The following IGF2BP3 variants were observed in gnomAD, a reference collection of about 807,000 sequenced individuals.
IGF2BP3 encodes the protein insulin like growth factor 2 mRNA binding protein 3.
A neutral mutation model predicts 73.8 loss-of-function variants in IGF2BP3; 9 were observed. The observed-to-expected ratio is 0.12, with a 90% CI of 0.07 to 0.21. The LOEUF (loss-of-function observed/expected upper bound fraction) is 0.21, where lower values mean the gene tolerates loss of function less well. Ranked by LOEUF, IGF2BP3 falls within the 10% of genes least tolerant of loss-of-function variation. IGF2BP3 has a pLI of 1.00. For missense variants in IGF2BP3, 542 were observed against 714.0 expected (o/e 0.76, Z 2.75); for synonymous variants, 258 against 256.7 (o/e 1.01, Z -0.05).
At chr7:23,320,763 C>A (rs1230123947) in intron 10 of IGF2BP3, among the ~76,000 whole-genome samples, 1 of 149,600 alleles carries the variant, frequency 6.7e-6, no homozygotes, top group African/African-American at 2.5e-5. Flanking sequence ...GCCTGGGCAA[C>A]ATGGCAAAAC....
At chr7:23,347,774 A>C (rs769538600) in intron 6 of IGF2BP3, 40 bp from the exon 7 acceptor site, 1 of 1,613,378 alleles carries the variant, frequency 6.2e-7, no homozygotes, top group East Asian at 2.2e-5. Context: ...CGAGAGCAGT[A>C]AGCGTGTATT....
rs1224816314 is a variant in IGF2BP3, at chr7:23,340,881, G to A, written c.1203+1183C>T. Among the ~76,000 whole-genome samples, 6 of 135,904 alleles carry A rather than the reference G, an allele frequency of 4.4e-5. No individual in the cohort carries two copies. In the East Asian group the frequency reaches 6.3e-4, roughly 14 times the overall value. 89.2% of individuals were successfully genotyped at this position (135,904 alleles called of 152,430 possible). On this transcript the variant is annotated intron_variant, in intron 10 of 14. Transcript: ENST00000258729. Reference sequence around the variant, plus strand: ...TTTTTTTTTTCCCAGACAGAGTTTCGCTCTGTCGCCCAGGCTGGAGTGCAA... The same window carrying A: ...TTTTTTTTTTCCCAGACAGAGTTTCACTCTGTCGCCCAGGCTGGAGTGCAA...
At chr7:23,326,575 C>T (rs1427957967) in intron 10 of IGF2BP3, among the ~76,000 whole-genome samples, 1 of 151,734 alleles carries the variant, frequency 6.6e-6, no homozygotes, top group East Asian at 1.9e-4. Flanking sequence ...GGGTATATAC[C>T]CAAAGGACTA....
intron 3 of IGF2BP3, among the ~76,000 whole-genome samples, chr7:23,393,540 G>C (rs1786352067): frequency 6.6e-6 from 1 of 152,128 alleles, no homozygotes; most frequent in African/African-American, 2.4e-5. Flanking sequence ...CCCCCAAAGG[G>C]AAACAGGCTG....
At chr7:23,455,652 G>A (rs1307965509) in intron 2 of IGF2BP3, among the ~76,000 whole-genome samples, 2 of 152,104 alleles carry the variant, frequency 1.3e-5, no homozygotes, top group Admixed American at 6.6e-5. Flanking sequence ...CAAAGTGAAA[G>A]CCACTGTACT....
intron 3 of IGF2BP3, among the ~76,000 whole-genome samples, chr7:23,398,784 A>T (rs1167837767): frequency 6.6e-6 from 1 of 152,034 alleles, no homozygotes; most frequent in African/African-American, 2.4e-5. Context: ...AATTTGTTTG[A>T]GTTCATTGTA....
chr7:23,348,109 A>T (rs1402169598), intron 6 of IGF2BP3, among the ~76,000 whole-genome samples: 1 of 152,232 alleles, frequency 6.6e-6, no homozygotes, highest in Non-Finnish European at 1.5e-5. Context: ...TTGGAATCCC[A>T]TAAGCCAAGT....
At chr7:23,377,721 G>A (rs1436962500) in intron 3 of IGF2BP3, among the ~76,000 whole-genome samples, 1 of 152,144 alleles carries the variant, frequency 6.6e-6, no homozygotes, top group Non-Finnish European at 1.5e-5. Flanking sequence ...ATCAGCTGCT[G>A]GATGGATAAA....
chr7:23,367,893 C>T (rs1462153030), intron 3 of IGF2BP3, among the ~76,000 whole-genome samples: 5 of 151,876 alleles, frequency 3.3e-5, no homozygotes, highest in African/African-American at 1.2e-4. Context: ...CCCAGCTACT[C>T]GGGAGGCTGA....
intron 3 of IGF2BP3, among the ~76,000 whole-genome samples, chr7:23,405,865 T>C (rs994288498): frequency 5.9e-5 from 9 of 152,174 alleles, no homozygotes; most frequent in Non-Finnish European, 1.2e-4. Flanking sequence ...GGTGAAAGAA[T>C]TCGCCTTCAC....
chr7:23,460,805 A>G (rs1788434443), intron 2 of IGF2BP3, among the ~76,000 whole-genome samples: 1 of 151,692 alleles, frequency 6.6e-6, no homozygotes, highest in South Asian at 2.1e-4. Context: ...ACAAAAATCA[A>G]CTGGGCATGG....
At chr7:23,435,381 A>G (rs1787785009) in intron 2 of IGF2BP3, among the ~76,000 whole-genome samples, 1 of 151,902 alleles carries the variant, frequency 6.6e-6, no homozygotes, top group Non-Finnish European at 1.5e-5. Context: ...ATTACATATA[A>G]AAATACACCA....
chr7:23,319,668 G>A (rs528401498), intron 10 of IGF2BP3, among the ~76,000 whole-genome samples: 1 of 152,032 alleles, frequency 6.6e-6, no homozygotes. Context: ...CAGAACTCAA[G>A]GACGCCAGCT....
intron 2 of IGF2BP3, among the ~76,000 whole-genome samples, chr7:23,426,340 AG>A (rs1194336292): frequency 1.7e-5 from 2 of 114,662 alleles, no homozygotes; most frequent in Non-Finnish European, 3.4e-5. Flanking sequence ...AAAAAAAAAA[AG>A]GGGGGTGGGG....
In IGF2BP3 at chr7:23,412,842, C is replaced by CTTTTTTTTTTT. The variant is rs557467066; in HGVS notation, c.285+5923_285+5933dup. 3.5e-4 allele frequency among the ~76,000 whole-genome samples: 13 copies of CTTTTTTTTTTT among 37,016 alleles called. 1 individual carries two copies. Among genetic ancestry groups the CTTTTTTTTTTT allele is most frequent in the African/African-American group, 7.6e-4 (7 of 9,176 alleles). The allele number at this position is 37,016 out of a possible 152,430, so 24.3% of individuals were successfully genotyped here. On this transcript the variant is annotated intron_variant, in intron 3 of 14. Transcript: ENST00000258729. ...GAAATCCTTTCCTTAAGACTCTGGC[C>CTTTTTTTTTTT]TTTTTTTTTTTTTTTTTTTTTTTTT...
chr7:23,449,706 C>T (rs1203825595), intron 2 of IGF2BP3, among the ~76,000 whole-genome samples: 2 of 151,658 alleles, frequency 1.3e-5, no homozygotes, highest in Non-Finnish European at 2.9e-5. Flanking sequence ...CACAGGTATG[C>T]GCTACCACAC....
intron 3 of IGF2BP3, among the ~76,000 whole-genome samples, chr7:23,388,507 C>T (rs1044081620): frequency 2.6e-5 from 4 of 151,362 alleles, no homozygotes; most frequent in Non-Finnish European, 4.4e-5. Context: ...AAAAAGGATA[C>T]GGGAGAAAAG....
At chr7:23,394,186 C>G (rs999711352) in intron 3 of IGF2BP3, among the ~76,000 whole-genome samples, 1 of 152,184 alleles carries the variant, frequency 6.6e-6, no homozygotes, top group Admixed American at 6.5e-5. Context: ...AATGATAACG[C>G]TATTTATAAT....
intron 12 of IGF2BP3, among the ~76,000 whole-genome samples, chr7:23,315,122 T>A (rs986388836): frequency 1.2e-4 from 18 of 151,360 alleles, no homozygotes; most frequent in Non-Finnish European, 2.9e-5. Flanking sequence ...TTTTTTTTTA[T>A]TTTTTTATTT....
Sources: gnomAD v4.1 joint callset for allele counts (sites outside exome capture counted in the v4.1 genomes callset) on GRCh38, gnomAD v4.1.1 for gene constraint, MANE v1.5 for transcripts, NCBI Gene and HGNC (gene_info 2026-07-23, HGNC 2026-07-21) for gene names.